The following TRIM33 variants were observed in gnomAD, a reference collection of about 807,000 sequenced individuals.
TRIM33 encodes the protein E3 ubiquitin-protein ligase TRIM33.
Under a neutral mutation model 125.4 loss-of-function variants are expected in TRIM33, and 20 were observed. The ratio of observed to expected loss-of-function variants is 0.16; its 90% CI spans 0.11 to 0.23. TRIM33 has a LOEUF of 0.23. TRIM33 is among the 10% of genes least tolerant of loss of function. TRIM33 has a pLI of 1.00. For missense variants in TRIM33, 920 were observed against 1,411.4 expected (o/e 0.65, Z 5.58); for synonymous variants, 564 against 513.9 (o/e 1.10, Z -1.32).
At position 114,410,165 on chromosome 1, in the gene TRIM33, T is replaced by C. The variant is rs1361911436; in HGVS notation, c.2194+19A>G. The C allele has an allele frequency of 6.2e-7, 1 of 1,613,606 alleles. No individual in the cohort carries two copies. The highest frequency in any genetic ancestry group is 1.1e-5 in the South Asian group (1 of 91,052). Reference sequence around the variant, plus strand: ...TTTTTTAAGGTGTTAAAAAATAAGGTAATACCCGTTTGCTTTACCTGATGA... The same window carrying C: ...TTTTTTAAGGTGTTAAAAAATAAGGCAATACCCGTTTGCTTTACCTGATGA... On this transcript the variant is annotated intron_variant, in intron 12 of 19. Coordinates refer to ENST00000358465, the MANE Select transcript of TRIM33 (RefSeq NM_015906.4).
chr1:114,509,882 C>G (rs1398484949), intron 1 of TRIM33, among the ~76,000 whole-genome samples: 2 of 152,202 alleles, frequency 1.3e-5, no homozygotes, highest in East Asian at 3.8e-4. Flanking sequence ...TTAGCTAAAA[C>G]AAATTCATGC....
chr1:114,511,123 C>A lies in TRIM33; in HGVS notation c.-47G>T. 2 of 1,112,846 alleles carry A rather than the reference C, an allele frequency of 1.8e-6. No individual in the cohort carries two copies. Among genetic ancestry groups the A allele is most frequent in the Non-Finnish European group, 2.2e-6 (2 of 913,992 alleles). The allele number at this position is 1,112,846 out of a possible 1,614,324, so 68.9% of individuals were successfully genotyped here. A position where few individuals can be genotyped will look rare whatever the true frequency, so the allele number is the denominator to read the frequency against. On this transcript the variant is annotated 5_prime_UTR_variant, in exon 1 of 20. Transcript: ENST00000358465. ...GGACCGCCCCGCGCCGCCCGCCGCC[C>A]GCGTCGCCGCCGCCGCCGCCCCCAG...
At chr1:114,463,762 T>C (rs1572085856) in intron 2 of TRIM33, among the ~76,000 whole-genome samples, 1 of 148,100 alleles carries the variant, frequency 6.8e-6, no homozygotes, top group South Asian at 2.1e-4. Context: ...TCTGTGCAGA[T>C]TTGACTTTTT....
intron 11 of TRIM33, chr1:114,420,507 C>T: frequency 3.3e-6 from 3 of 896,202 alleles, no homozygotes; most frequent in South Asian, 2.8e-5. Context: ...GATATTAATC[C>T]ACCATTATTG....
rs868303128 is a variant in TRIM33 at position 114,402,355 on chromosome 1, A to C, written c.2892+405T>G. Reference sequence around the variant, plus strand: ...ACAATAGTCCAGATGAGAAATTATGATGTAAGGTAAGAAAATCATATTATA... The same window carrying C: ...ACAATAGTCCAGATGAGAAATTATGCTGTAAGGTAAGAAAATCATATTATA... On this transcript the variant is annotated intron_variant, in intron 16 of 19. Transcript: ENST00000358465. Among the ~76,000 whole-genome samples, 12 of 152,326 alleles carry C rather than the reference A, an allele frequency of 7.9e-5. No individual in the cohort carries two copies. The South Asian group carries it at 1.9e-3, about 24-fold the overall frequency.
At chr1:114,462,219 G>A (rs190864944) in intron 4 of TRIM33, among the ~76,000 whole-genome samples, 1 of 152,200 alleles carries the variant, frequency 6.6e-6, no homozygotes, top group East Asian at 1.9e-4. Flanking sequence ...AAAAGTACCT[G>A]GCACAAAGTA....
At position 114,424,664 on chromosome 1, in the gene TRIM33, G is replaced by A. The variant is rs1647438167; in HGVS notation, c.1787C>T (p.Ala596Val). 1.9e-6 allele frequency: 3 copies of A among 1,611,458 alleles called. No homozygotes were observed. The highest frequency in any genetic ancestry group is 2.2e-5 in the South Asian group (2 of 90,742). ...CCTGGGTATCCCTGGTATTCTGGCA[G>A]CATTCTGAGCCAGTCTCATCTGATG... is the stretch of plus-strand genomic sequence containing the variant. Reference protein sequence around the residue: ...QAHQMRLAQNAARIPGIPRHS... With the variant: ...QAHQMRLAQNVARIPGIPRHS... The change falls in exon 10 of 20, where the codon GCT becomes GTT. Residue 596 changes from alanine to valine, a missense_variant. Physicochemically the swap from Ala to Val is moderately conservative, Grantham distance 64 (BLOSUM62 0). Transcript: ENST00000358465.
chr1:114,463,213 G>A lies in TRIM33; in HGVS notation c.814C>T (p.Arg272Cys), dbSNP rs1343983443. The change falls in exon 4 of 20, where the codon CGC (arginine) becomes TGC (cysteine). Residue 272 changes from arginine (R) to cysteine (C), a missense_variant. Around this residue, in one of 8 missense-constraint regions of TRIM33, gnomAD observed 24 missense variants for 83.9 expected, o/e 0.29. Coordinates refer to ENST00000358465, the MANE Select transcript of TRIM33 (RefSeq NM_015906.4). ...VSESVGASGQRPVFCPVHKQE... is the reference protein window; with the variant it reads ...VSESVGASGQCPVFCPVHKQE... ...TTGTGTACAGGGCAGAAAACAGGGC[G>A]TTGACCAGATGCTCCAACAGACTCT... 2 of 1,608,052 alleles carry A rather than the reference G, an allele frequency of 1.2e-6. No homozygotes were observed. Among genetic ancestry groups the A allele is most frequent in the Non-Finnish European group, 1.7e-6 (2 of 1,178,462 alleles).
chr1:114,406,319 A>C (rs1652241178), intron 14 of TRIM33, among the ~76,000 whole-genome samples: 1 of 152,220 alleles, frequency 6.6e-6, no homozygotes, highest in Admixed American at 6.5e-5. Context: ...ACTGTGTTAA[A>C]TATACCAATA....
At chr1:114,482,523 A>G (rs1161365475) in intron 1 of TRIM33, among the ~76,000 whole-genome samples, 2 of 152,190 alleles carry the variant, frequency 1.3e-5, no homozygotes, top group African/African-American at 2.4e-5. Flanking sequence ...CTAAAAAGAA[A>G]AGAGAGCACA....
intron 1 of TRIM33, among the ~76,000 whole-genome samples, chr1:114,488,655 T>G (rs561374736): frequency 1.3e-5 from 2 of 152,000 alleles, no homozygotes; most frequent in Admixed American, 1.3e-4. Context: ...TCCCAGCTAC[T>G]AGGAGTCTGA....
chr1:114,478,448 G>A (rs1282539892), intron 1 of TRIM33, among the ~76,000 whole-genome samples: 1 of 152,170 alleles, frequency 6.6e-6, no homozygotes, highest in Non-Finnish European at 1.5e-5. Context: ...AACTTGAAAT[G>A]AGAGAGTCAC....
chr1:114,490,474 T>C (rs767761163), intron 1 of TRIM33, among the ~76,000 whole-genome samples: 1 of 152,180 alleles, frequency 6.6e-6, no homozygotes, highest in Non-Finnish European at 1.5e-5. Context: ...CAGATAACAG[T>C]TGGCAGATCC....
At chr1:114,472,113 A>G (rs1039776552) in intron 1 of TRIM33, among the ~76,000 whole-genome samples, 11 of 152,218 alleles carry the variant, frequency 7.2e-5, no homozygotes, top group African/African-American at 2.7e-4. Context: ...ATGCATCCCA[A>G]ACACTGAATA....
intron 11 of TRIM33, among the ~76,000 whole-genome samples, chr1:114,412,376 CA>C (rs1190971984): frequency 2.0e-5 from 3 of 152,132 alleles, no homozygotes; most frequent in Non-Finnish European, 2.9e-5. Context: ...AAATGATGTA[CA>C]ATAAACTAAA....
chr1:114,492,833 C>A (rs1365859441), intron 1 of TRIM33, among the ~76,000 whole-genome samples: 1 of 152,204 alleles, frequency 6.6e-6, no homozygotes, highest in African/African-American at 2.4e-5. Context: ...AACATTATTT[C>A]CACCTTTTGG....
intron 4 of TRIM33, among the ~76,000 whole-genome samples, chr1:114,449,924 C>T (rs1649212348): frequency 6.6e-6 from 1 of 152,140 alleles, no homozygotes; most frequent in Non-Finnish European, 1.5e-5. Context: ...CCATGGCTGT[C>T]ATTTTAGGCA....
In TRIM33 at chr1:114,499,427, G is replaced by C. The variant is rs528476017; in HGVS notation, c.526+11124C>G. On this transcript the variant is annotated intron_variant, in intron 1 of 19. Coordinates refer to ENST00000358465, the MANE Select transcript of TRIM33 (RefSeq NM_015906.4). ...AAAAAAAAATCTGACCAACAGCATGGAAATGAAGAAATCTGTCACTGTCTG... is the reference window on the plus strand; with the variant it reads ...AAAAAAAAATCTGACCAACAGCATGCAAATGAAGAAATCTGTCACTGTCTG... Among the ~76,000 whole-genome samples, 4 of 151,510 alleles carry C rather than the reference G, an allele frequency of 2.6e-5. No homozygotes were observed. In the East Asian group the frequency reaches 5.8e-4, roughly 22 times the overall value.
intron 1 of TRIM33, among the ~76,000 whole-genome samples, chr1:114,501,711 T>C (rs1652731248): frequency 1.3e-5 from 2 of 152,122 alleles, no homozygotes; most frequent in South Asian, 4.1e-4. Context: ...AAAGGATCAG[T>C]ATACAGAATT....
Sources: allele counts gnomAD v4.1 joint callset (sites outside exome capture counted in the v4.1 genomes callset), GRCh38; gene constraint gnomAD v4.1.1; regional missense constraint gnomAD v4.1.1; transcripts MANE v1.5; gene names NCBI Gene and HGNC (gene_info 2026-07-23, HGNC 2026-07-21).